Variants in NTRK3 observed in about 807,000 individuals in gnomAD.
NTRK3 encodes NT-3 growth factor receptor.
In NTRK3, 24 loss-of-function variants were observed where a neutral mutation model predicts 91.7. The observed-to-expected ratio is 0.26, with a 90% CI of 0.19 to 0.37. The LOEUF (loss-of-function observed/expected upper bound fraction) is 0.37, where lower values mean the gene tolerates loss of function less well. NTRK3 is among the 10% of genes least tolerant of loss of function. The pLI, the probability that NTRK3 is intolerant of heterozygous loss-of-function variation, is 1.00. For missense variants in NTRK3, 880 were observed against 1,068.9 expected (o/e 0.82, Z 2.46); for synonymous variants, 483 against 404.0 (o/e 1.20, Z -2.34).
intron 3 of NTRK3, among the ~76,000 whole-genome samples, chr15:88,215,218 G>A (rs1042962894): frequency 2.6e-5 from 4 of 152,186 alleles, no homozygotes; most frequent in African/African-American, 7.2e-5. Context: ...AAAACATCCC[G>A]GTTTGTTCAC....
chr15:88,042,424 C>G (rs2079728650), intron 13 of NTRK3, among the ~76,000 whole-genome samples: 2 of 152,190 alleles, frequency 1.3e-5, no homozygotes, highest in South Asian at 4.1e-4. Flanking sequence ...CCCCTCTCTG[C>G]CTCCTCCGGC....
rs78589911 is a variant in NTRK3 at position 88,128,006 on chromosome 15, C to T, written c.1228+705G>A. 2.6e-3 allele frequency among the ~76,000 whole-genome samples: 398 copies of T among 152,322 alleles called. 6 individuals are homozygous for T. The East Asian group carries it at 0.031, about 12-fold the overall frequency. On this transcript the variant is annotated intron_variant, in intron 11 of 18. Transcript: ENST00000394480. The stretch of plus-strand genomic sequence containing the variant: ...CAACTAAAGAAATCACAGATATTGA[C>T]ATCAGTGCCAGAAAGCCGAGGGTGT...
intron 13 of NTRK3, among the ~76,000 whole-genome samples, chr15:88,086,669 C>T (rs1378115853): frequency 2.0e-5 from 3 of 152,178 alleles, no homozygotes; most frequent in African/African-American, 4.8e-5. Flanking sequence ...AGGCTGCATC[C>T]CAGACCAATA....
intron 14 of NTRK3, among the ~76,000 whole-genome samples, chr15:87,953,544 A>C (rs1431298160): frequency 2.0e-5 from 3 of 152,308 alleles, no homozygotes; most frequent in Non-Finnish European, 4.4e-5. Flanking sequence ...AAAATAGAGA[A>C]GGGAGAAATC....
At chr15:88,012,818 G>A (rs918254642) in intron 14 of NTRK3, among the ~76,000 whole-genome samples, 1 of 152,188 alleles carries the variant, frequency 6.6e-6, no homozygotes, top group Admixed American at 6.5e-5. Flanking sequence ...ATCACCCAGA[G>A]GGCTTATTGA....
At chr15:88,223,778 G>T (rs1330054618) in intron 3 of NTRK3, among the ~76,000 whole-genome samples, 5 of 152,192 alleles carry the variant, frequency 3.3e-5, no homozygotes. Flanking sequence ...GTGCTGGCTG[G>T]CCAGGATTGT....
At chr15:88,204,303 T>G (rs2048549747) in intron 3 of NTRK3, among the ~76,000 whole-genome samples, 1 of 152,136 alleles carries the variant, frequency 6.6e-6, no homozygotes, top group Non-Finnish European at 1.5e-5. Flanking sequence ...TCTGGCATAC[T>G]CTCTCCCCTA....
intron 3 of NTRK3, among the ~76,000 whole-genome samples, chr15:88,190,334 C>T (rs2047288026): frequency 6.6e-6 from 1 of 152,166 alleles, no homozygotes; most frequent in African/African-American, 2.4e-5. Flanking sequence ...AAATGCATTA[C>T]ACACATCCTT....
chr15:88,154,110 C>CAAA (rs397736752), intron 5 of NTRK3, among the ~76,000 whole-genome samples: 3,947 of 86,404 alleles, frequency 0.046, 117 homozygotes, highest in African/African-American at 0.061. Context: ...ATAGACTTTG[C>CAAA]AAAAAAAAAA....
intron 17 of NTRK3, among the ~76,000 whole-genome samples, chr15:87,910,865 G>C (rs959220701): frequency 6.6e-6 from 1 of 152,164 alleles, no homozygotes; most frequent in Non-Finnish European, 1.5e-5. Context: ...AGTTCAGGAA[G>C]GGTTAGACTT....
chr15:87,962,992 C>T (rs771012356), intron 14 of NTRK3, among the ~76,000 whole-genome samples: 2 of 152,188 alleles, frequency 1.3e-5, no homozygotes, highest in African/African-American at 2.4e-5. Context: ...ATGTTGGCAA[C>T]ATCTTGATGT....
At chr15:88,158,321 G>A (rs529299697) in intron 5 of NTRK3, among the ~76,000 whole-genome samples, 1 of 152,286 alleles carries the variant, frequency 6.6e-6, no homozygotes, top group African/African-American at 2.4e-5. Flanking sequence ...TTGAATTCAG[G>A]CATCATTGTA....
intron 14 of NTRK3, among the ~76,000 whole-genome samples, chr15:87,993,491 T>C (rs1156949152): frequency 6.6e-6 from 1 of 152,210 alleles, no homozygotes; most frequent in Non-Finnish European, 1.5e-5. Context: ...TGTCCCATTG[T>C]ACATCAGTAG....
Position 88,255,341 on chromosome 15 carries a change from A to C in NTRK3, c.248+565T>G, listed in dbSNP as rs2053918956. 6.6e-6 allele frequency among the ~76,000 whole-genome samples: 1 copy of C among 152,124 alleles called. No homozygotes were observed. Among genetic ancestry groups the C allele is most frequent in the South Asian group, 2.1e-4 (1 of 4,824 alleles). On this transcript the variant is annotated intron_variant, in intron 3 of 18. Coordinates refer to ENST00000394480, the Ensembl canonical transcript of NTRK3. This position sits in a 1 kb window ranked among gnomAD's most constrained non-coding sequence, Gnocchi z 4.3. ...TCCATGACGGCCTCCACACGTCCAA[A>C]GTCTCCCCGCGAGCAGCCAGCTCGC...
intron 3 of NTRK3, among the ~76,000 whole-genome samples, chr15:88,193,668 T>G (rs928831155): frequency 1.3e-5 from 2 of 152,164 alleles, no homozygotes; most frequent in Non-Finnish European, 2.9e-5. Context: ...CCTTAACCAT[T>G]TAGCTATCAG....
intron 17 of NTRK3, among the ~76,000 whole-genome samples, chr15:87,912,060 T>C (rs2067115952): frequency 6.6e-6 from 1 of 152,230 alleles, no homozygotes; most frequent in African/African-American, 2.4e-5. Context: ...TCCTCGCCCT[T>C]CAGTTTCACT....
rs753741924 is a variant in NTRK3 at position 87,933,807 on chromosome 15, G to A, written c.1717-623C>T. ...AGCAATAGGGTGGGAAGAGTGGGGC[G>A]GCAGCTACGGGAATGGCAGTTAGTG... is the stretch of plus-strand genomic sequence containing the variant. On this transcript the variant is annotated intron_variant, in intron 15 of 18. Coordinates refer to ENST00000394480, the Ensembl canonical transcript of NTRK3. Among the ~76,000 whole-genome samples the A allele has an allele frequency of 1.2e-4, 19 of 152,290 alleles. No individual in the cohort carries two copies. The South Asian group carries it at 2.5e-3, about 20-fold the overall frequency.
intron 13 of NTRK3, among the ~76,000 whole-genome samples, chr15:88,060,399 A>G (rs2142459857): frequency 6.6e-6 from 1 of 151,682 alleles, no homozygotes; most frequent in Admixed American, 6.6e-5. Flanking sequence ...AAAAAAAAAA[A>G]AAAAGTAGGG....
chr15:88,082,277 CAAAAA>C (rs1218706062), intron 13 of NTRK3, among the ~76,000 whole-genome samples: 1 of 70,036 alleles, frequency 1.4e-5, no homozygotes, highest in African/African-American at 4.6e-5. Flanking sequence ...GACTCTGTCT[CAAAAA>C]AAAAAAAAAA....
Sources: gnomAD v4.1 joint callset for allele counts (sites outside exome capture counted in the v4.1 genomes callset) on GRCh38, gnomAD v4.1.1 for gene constraint, Gnocchi (gnomAD v3.1) non-coding constraint, MANE v1.5 for transcripts, NCBI Gene and HGNC (gene_info 2026-07-23, HGNC 2026-07-21) for gene names.